Variants in EHBP1 observed in about 807,000 individuals in gnomAD.
EHBP1 encodes EH domain binding protein 1, also known as EH domain-binding protein 1.
In EHBP1, 55 loss-of-function variants were observed where a neutral mutation model predicts 144.0. The observed-to-expected ratio is 0.38, with a 90% CI of 0.31 to 0.48. The LOEUF (loss-of-function observed/expected upper bound fraction) is 0.48, where lower values mean the gene tolerates loss of function less well. Ranked by LOEUF, EHBP1 falls within the 20% of genes least tolerant of loss-of-function variation. The probability of loss-of-function intolerance (pLI) is 0.98; values close to 1 mark genes in which losing one functional copy is unlikely to be tolerated. For synonymous variants in EHBP1, 469 were observed against 472.7 expected (o/e 0.99, Z 0.10); for missense variants, 1,200 against 1,364.2 (o/e 0.88, Z 1.90).
intron 1 of EHBP1, among the ~76,000 whole-genome samples, chr2:62,696,407 A>C (rs1368328761): frequency 2.7e-5 from 4 of 150,408 alleles, no homozygotes; most frequent in African/African-American, 4.9e-5. Flanking sequence ...TTGGCCTCCC[A>C]AAATGCTAGG....
At chr2:62,696,753 G>A (rs1028293430) in intron 1 of EHBP1, among the ~76,000 whole-genome samples, 19 of 151,610 alleles carry the variant, frequency 1.3e-4, no homozygotes, top group African/African-American at 4.4e-4. Flanking sequence ...TCTTGACCTC[G>A]TCTTCCACCC....
chr2:62,753,411 C>A (rs2039949041), intron 3 of EHBP1, among the ~76,000 whole-genome samples: 1 of 152,140 alleles, frequency 6.6e-6, no homozygotes, highest in Non-Finnish European at 1.5e-5. Context: ...GTAACCCGAC[C>A]TTTCTCTGTG....
At chr2:62,906,020 TTCAC>T (rs1382631080) in intron 10 of EHBP1, among the ~76,000 whole-genome samples, 4 of 152,144 alleles carry the variant, frequency 2.6e-5, no homozygotes, top group Non-Finnish European at 4.4e-5. Context: ...AAAAAAAACT[TTCAC>T]TAAGGATTTT....
At chr2:62,768,069 T>C (rs1329983475) in intron 4 of EHBP1, among the ~76,000 whole-genome samples, 1 of 151,678 alleles carries the variant, frequency 6.6e-6, no homozygotes, top group Non-Finnish European at 1.5e-5. Flanking sequence ...ATATCAAGAG[T>C]TAGAAAAATC....
At chr2:62,947,812 T>C (rs1166167447) in intron 12 of EHBP1, among the ~76,000 whole-genome samples, 1 of 152,226 alleles carries the variant, frequency 6.6e-6, no homozygotes, top group Non-Finnish European at 1.5e-5. Flanking sequence ...TAGGCTTAAA[T>C]TGCATTTATT....
chr2:62,900,259 T>C (rs1207119221), intron 10 of EHBP1, among the ~76,000 whole-genome samples: 1 of 152,106 alleles, frequency 6.6e-6, no homozygotes, highest in Non-Finnish European at 1.5e-5. Context: ...GAAAGTGTAA[T>C]TCAGTGAAGG....
At chr2:62,894,927 A>AAGAG (rs57403564) in intron 10 of EHBP1, among the ~76,000 whole-genome samples, 15,551 of 141,086 alleles carry the variant, frequency 0.11, 935 homozygotes, top group South Asian at 0.14. Context: ...AACAGAAAGA[A>AAGAG]AGAGAGAGAG....
chr2:63,024,217 G>T (rs1019103525), intron 19 of EHBP1, among the ~76,000 whole-genome samples: 1 of 152,168 alleles, frequency 6.6e-6, no homozygotes, highest in Admixed American at 6.5e-5. Flanking sequence ...GGTGGCAGGT[G>T]CCTGTAATCC....
At chr2:63,043,778 A>G (rs2153380043) in intron 21 of EHBP1, 1 of 152,160 alleles carries the variant, frequency 6.6e-6, no homozygotes, top group Non-Finnish European at 1.5e-5. Context: ...TATCTGAATA[A>G]GCACCAGCCA....
At chr2:63,041,879 C>T (rs190080585) in intron 21 of EHBP1, among the ~76,000 whole-genome samples, 2 of 152,240 alleles carry the variant, frequency 1.3e-5, no homozygotes, top group Non-Finnish European at 2.9e-5. Context: ...AACTTTAGGT[C>T]CTTTCTGTTA....
intron 15 of EHBP1, among the ~76,000 whole-genome samples, chr2:62,988,323 A>G (rs2059281504): frequency 1.3e-5 from 2 of 152,126 alleles, no homozygotes; most frequent in South Asian, 2.1e-4. Context: ...GTAGGTTTTC[A>G]ATAGCTGGTT....
intron 2 of EHBP1, among the ~76,000 whole-genome samples, chr2:62,717,909 G>C (rs1009938875): frequency 2.6e-5 from 4 of 152,172 alleles, no homozygotes; most frequent in African/African-American, 7.2e-5. Flanking sequence ...AGAGGAGTTA[G>C]TTTGCTGCTA....
intron 14 of EHBP1, 71 bp from the exon 15 acceptor site, chr2:62,979,117 T>C (rs1387689189): frequency 6.0e-6 from 9 of 1,506,760 alleles, no homozygotes; most frequent in East Asian, 2.3e-5. Flanking sequence ...GTTACTATCA[T>C]GATGATCAGA....
At position 62,859,056 on chromosome 2, in the gene EHBP1, A is replaced by G; in HGVS notation, c.635-113A>G. On this transcript the variant is annotated intron_variant, in intron 7 of 22. Transcript: ENST00000431489. ...TTCTGTCATTGGTAAAATGCTATAT[A>G]CTATTATTTGCAGGTATTATTCGTG... 2 of 1,007,934 alleles carry G rather than the reference A, an allele frequency of 2.0e-6. 1 individual carries two copies. Among genetic ancestry groups the G allele is most frequent in the Non-Finnish European group, 2.9e-6 (2 of 696,148 alleles). The allele number at this position is 1,007,934 out of a possible 1,614,324, so 62.4% of individuals were successfully genotyped here. A position where few individuals can be genotyped will look rare whatever the true frequency, so the allele number is the denominator to read the frequency against.
chr2:62,922,170 G>A (rs950492456), intron 10 of EHBP1, among the ~76,000 whole-genome samples: 17 of 152,088 alleles, frequency 1.1e-4, no homozygotes, highest in South Asian at 2.1e-4. Flanking sequence ...GCAAGACTCC[G>A]TCTCAAAGAA....
At chr2:62,690,258 T>C (rs886771132) in intron 1 of EHBP1, among the ~76,000 whole-genome samples, 6 of 151,962 alleles carry the variant, frequency 3.9e-5, no homozygotes, top group Non-Finnish European at 7.4e-5. Context: ...ATAGGGGTTT[T>C]GAAGTGAAAA....
At chr2:62,964,238 T>G (rs2058133003) in intron 14 of EHBP1, among the ~76,000 whole-genome samples, 1 of 152,082 alleles carries the variant, frequency 6.6e-6, no homozygotes, top group African/African-American at 2.4e-5. Flanking sequence ...CACGAACCCC[T>G]AGCCTCAAAA....
chr2:62,931,023 A>G (rs887292634), intron 10 of EHBP1, among the ~76,000 whole-genome samples: 1 of 152,180 alleles, frequency 6.6e-6, no homozygotes, highest in Non-Finnish European at 1.5e-5. Flanking sequence ...GACAAATTAG[A>G]CTTCATGAAA....
At chr2:62,976,327 G>GA (rs534976990) in intron 14 of EHBP1, among the ~76,000 whole-genome samples, 16 of 150,998 alleles carry the variant, frequency 1.1e-4, no homozygotes, top group Non-Finnish European at 1.9e-4. Flanking sequence ...AGAAATTTGT[G>GA]AAAAAAAAAT....
Sources: gnomAD v4.1 joint callset for allele counts (sites outside exome capture counted in the v4.1 genomes callset) on GRCh38, gnomAD v4.1.1 for gene constraint, MANE v1.5 for transcripts, NCBI Gene and HGNC (gene_info 2026-07-23, HGNC 2026-07-21) for gene names.